CSNK2A2IP: variants seen among roughly 807,000 people sequenced by gnomAD.
CSNK2A2IP encodes casein kinase II subunit alpha'-interacting protein.
At chr3:88,458,177 G>T in the CSNK2A2IP span, among the ~76,000 whole-genome samples, 1 of 113,976 alleles carries the variant, frequency 8.8e-6, no homozygotes. Context: ...TTGAGACGGA[G>T]TCTTGCTCTG....
chr3:88,356,755 A>T, the CSNK2A2IP span, among the ~76,000 whole-genome samples: 1 of 152,074 alleles, frequency 6.6e-6, no homozygotes, highest in African/African-American at 2.4e-5. Context: ...ATCCTCGCCA[A>T]CATTCGTTAA....
chr3:88,443,675 C>G, the CSNK2A2IP span, among the ~76,000 whole-genome samples: 3 of 152,132 alleles, frequency 2.0e-5, no homozygotes, highest in Admixed American at 2.0e-4. Flanking sequence ...TGAAGACACG[C>G]TCAGTGGGTG....
chr3:88,429,689 T>C, the CSNK2A2IP span, among the ~76,000 whole-genome samples: 1 of 152,166 alleles, frequency 6.6e-6, no homozygotes, highest in African/African-American at 2.4e-5. Context: ...CCTTCAGACC[T>C]TGGTATTCTT....
At chr3:88,463,527 T>C in the CSNK2A2IP span, among the ~76,000 whole-genome samples, 1 of 152,124 alleles carries the variant, frequency 6.6e-6, no homozygotes, top group Non-Finnish European at 1.5e-5. Context: ...AAGACATTTA[T>C]GCAGCCAAAA....
chr3:88,430,077 T>A, the CSNK2A2IP span, among the ~76,000 whole-genome samples: 2 of 152,076 alleles, frequency 1.3e-5, no homozygotes, highest in Non-Finnish European at 2.9e-5. Flanking sequence ...GAACATTTTT[T>A]AAGACCTTTT....
chr3:88,438,559 A>G, the CSNK2A2IP span, among the ~76,000 whole-genome samples: 1 of 152,154 alleles, frequency 6.6e-6, no homozygotes, highest in Non-Finnish European at 1.5e-5. Flanking sequence ...CCCTCATTCC[A>G]GAAGGGGTTC....
chr3:88,423,440 A>G, the CSNK2A2IP span, among the ~76,000 whole-genome samples: 8 of 152,104 alleles, frequency 5.3e-5, no homozygotes, highest in Admixed American at 5.2e-4. Flanking sequence ...AAGGAGTTAG[A>G]AGTCTCCTCT....
chr3:88,457,485 C>T, the CSNK2A2IP span, among the ~76,000 whole-genome samples: 1 of 151,842 alleles, frequency 6.6e-6, no homozygotes, highest in Non-Finnish European at 1.5e-5. Context: ...CACCTGAGGT[C>T]AGGCATTTGA....
At chr3:88,456,329 G>A in the CSNK2A2IP span, among the ~76,000 whole-genome samples, 7 of 152,024 alleles carry the variant, frequency 4.6e-5, no homozygotes, top group African/African-American at 1.7e-4. Flanking sequence ...CCATGAACAT[G>A]AGATATTTTT....
chr3:88,429,103 T>C, the CSNK2A2IP span, among the ~76,000 whole-genome samples: 1 of 151,688 alleles, frequency 6.6e-6, no homozygotes, highest in Admixed American at 6.6e-5. Context: ...TTGGATATTA[T>C]GGTCCAATGG....
chr3:88,389,871 C>A, the CSNK2A2IP span, among the ~76,000 whole-genome samples: 1 of 150,262 alleles, frequency 6.7e-6, no homozygotes, highest in African/African-American at 2.5e-5. Context: ...TTCTCCTAAG[C>A]AGCACAAGTG....
At chr3:88,395,062 C>A in the CSNK2A2IP span, among the ~76,000 whole-genome samples, 2 of 152,186 alleles carry the variant, frequency 1.3e-5, no homozygotes, top group African/African-American at 4.8e-5. Context: ...GTTCTGTTTA[C>A]GCATATGTGC....
the CSNK2A2IP span, among the ~76,000 whole-genome samples, chr3:88,449,870 T>TAG: frequency 0.033 from 2,709 of 81,656 alleles, 114 homozygotes; most frequent in Non-Finnish European, 0.052. Context: ...TATATATATA[T>TAG]ATATAGAGAG....
the CSNK2A2IP span, among the ~76,000 whole-genome samples, chr3:88,395,997 A>C: frequency 6.6e-6 from 1 of 152,030 alleles, no homozygotes; most frequent in African/African-American, 2.4e-5. Context: ...TACCATGATT[A>C]GTAAAATCAT....
the CSNK2A2IP span, among the ~76,000 whole-genome samples, chr3:88,366,238 A>G: frequency 6.6e-6 from 1 of 152,136 alleles, no homozygotes; most frequent in Non-Finnish European, 1.5e-5. Context: ...GGCCAGTTCC[A>G]TGATTAAAAT....
At chr3:88,462,344 G>T in the CSNK2A2IP span, among the ~76,000 whole-genome samples, 196 of 152,064 alleles carry the variant, frequency 1.3e-3, no homozygotes, top group African/African-American at 4.7e-3. Context: ...GTATATTGTA[G>T]CATGTGCATT....
chr3:88,461,707 G>T, the CSNK2A2IP span, among the ~76,000 whole-genome samples: 1 of 151,732 alleles, frequency 6.6e-6, no homozygotes, highest in Non-Finnish European at 1.5e-5. Context: ...TTAATTTTAT[G>T]TTAGTCACAT....
chr3:88,456,855 G>A, the CSNK2A2IP span, among the ~76,000 whole-genome samples: 1 of 151,720 alleles, frequency 6.6e-6, no homozygotes, highest in African/African-American at 2.4e-5. Context: ...TTTGGCTATT[G>A]CTGTTTTTTA....
chr3:88,444,330 G>A, the CSNK2A2IP span, among the ~76,000 whole-genome samples: 1 of 152,076 alleles, frequency 6.6e-6, no homozygotes. Flanking sequence ...AAATTTAGAT[G>A]AAGATATTAA....
Sources: gnomAD v4.1 joint callset for allele counts (sites outside exome capture counted in the v4.1 genomes callset) on GRCh38, gnomAD v4.1.1 for gene constraint, MANE v1.5 for transcripts, NCBI Gene and HGNC (gene_info 2026-07-23, HGNC 2026-07-21) for gene names.